MTG1: variants seen among roughly 807,000 people sequenced by gnomAD.
MTG1 encodes the protein mitochondrial ribosome-associated GTPase 1.
Under a neutral mutation model 39.5 loss-of-function variants are expected in MTG1, and 30 were observed. The ratio of observed to expected loss-of-function variants is 0.76; its 90% CI spans 0.57 to 1.03. MTG1 has a LOEUF of 1.03. Among genes scored for constraint, MTG1 ranks in the 50% least tolerant of loss-of-function variants. The pLI is 0.00. For synonymous variants in MTG1, 217 were observed against 179.0 expected (o/e 1.21, Z -1.69); for missense variants, 513 against 447.4 (o/e 1.15, Z -1.32).
rs753853296 is a variant in MTG1 at position 133,395,820 on chromosome 10, A to G, written c.177+43A>G. On this transcript the variant is annotated intron_variant, in intron 2 of 10. Transcript: ENST00000317502. ...AGGGGAGGCCCCTCTGCCTGAAGTC[A>G]TATTACACATTAGAATTACCTGGGG... 9 of 1,590,694 alleles carry G rather than the reference A, an allele frequency of 5.7e-6. No individual in the cohort carries two copies. The East Asian group carries it at 1.6e-4, about 28-fold the overall frequency.
Position 133,419,525 on chromosome 10 carries a change from G to A in MTG1, c.798G>A (p.Glu266=), listed in dbSNP as rs1850193701. The change falls in exon 10 of 11, where the codon GAG becomes GAA. Residue 266 remains glutamate, a synonymous_variant. Transcript: ENST00000317502. ...YGLGSACDNV[E]RVLKSVAVKL... ...TGGGCAGTGCCTGTGACAACGTAGA[G>A]CGCGTGCTGAAGAGTGTGGCTGTGA... The A allele has an allele frequency of 6.2e-7, 1 of 1,609,958 alleles. No homozygotes were observed. The highest frequency in any genetic ancestry group is 1.3e-5 in the African/African-American group (1 of 74,888).
chr10:133,407,100 A>G (rs2133503650), intron 9 of MTG1, among the ~76,000 whole-genome samples: 1 of 152,252 alleles, frequency 6.6e-6, no homozygotes, highest in Admixed American at 6.5e-5. Context: ...GTCGAAAATG[A>G]GTTGGCTGTA....
Position 133,399,509 on chromosome 10 carries a change from C to T in MTG1, c.421-20C>T, listed in dbSNP as rs781129254. ...TAGCGGCCACGGTGGGCCCTGTGACCCCTCTCTCTGCCTGCGCAGAACCTG... is the reference window on the plus strand; with the variant it reads ...TAGCGGCCACGGTGGGCCCTGTGACTCCTCTCTCTGCCTGCGCAGAACCTG... On this transcript the variant is annotated intron_variant, in intron 5 of 10. Transcript: ENST00000317502. 1 of 1,612,132 alleles carries T rather than the reference C, an allele frequency of 6.2e-7. No homozygotes were observed. The highest frequency in any genetic ancestry group is 1.1e-5 in the South Asian group (1 of 90,920).
Position 133,402,690 on chromosome 10 carries a change from AG to A in MTG1, c.671del. The A allele has an allele frequency of 1.9e-6, 3 of 1,602,760 alleles. No homozygotes were observed. The highest frequency in any genetic ancestry group is 1.1e-5 in the South Asian group (1 of 88,576). On this transcript the variant is annotated splice_acceptor_variant, in intron 8 of 10. Transcript: ENST00000317502. LOFTEE classifies it high-confidence loss of function. The surrounding 1 kb of genome is among the most constrained non-coding windows in gnomAD (Gnocchi z 4.7). ...TGCTCACCTCGGCTGCTGCTTCCAC[AG>A]GAACGGTGCTGGACCACCTGGTCGG...
At position 133,408,646 on chromosome 10, in the gene MTG1, T is replaced by A. The variant is rs188881063; in HGVS notation, c.752+5873T>A. On this transcript the variant is annotated intron_variant, in intron 9 of 10. Transcript: ENST00000317502. The stretch of plus-strand genomic sequence containing the variant: ...TTGATACTAGTTCTTCCTTAACTGT[T>A]GATAGTTCAGCAGTGAAGCCATCAG... Among the ~76,000 whole-genome samples the A allele has an allele frequency of 3.1e-3, 477 of 152,360 alleles. 1 individual carries two copies. Among genetic ancestry groups the A allele is most frequent in the Non-Finnish European group, 5.6e-3 (378 of 68,024 alleles).
In MTG1 at chr10:133,402,972, A is replaced by C; in HGVS notation, c.752+199A>C. The C allele has an allele frequency of 1.9e-6, 1 of 531,552 alleles. No individual in the cohort carries two copies. 32.9% of individuals were successfully genotyped at this position (531,552 alleles called of 1,614,324 possible). A position where few individuals can be genotyped will look rare whatever the true frequency, so the allele number is the denominator to read the frequency against. ...AAAGCAACACACAATCAAGAAAACG[A>C]GCGTTCCCGTCACCCCCAGTCCCTG... On this transcript the variant is annotated intron_variant, in intron 9 of 10. Transcript: ENST00000317502. The surrounding 1 kb of genome is among the most constrained non-coding windows in gnomAD (Gnocchi z 4.7).
intron 4 of MTG1, 117 bp from the exon 5 acceptor site, chr10:133,399,053 G>C: frequency 2.7e-6 from 3 of 1,131,372 alleles, no homozygotes; most frequent in Non-Finnish European, 4.0e-6. Flanking sequence ...TTTTCCTAAC[G>C]GATATGTGAA....
At chr10:133,414,088 G>T (rs567822469) in intron 9 of MTG1, among the ~76,000 whole-genome samples, 13 of 149,362 alleles carry the variant, frequency 8.7e-5, no homozygotes, top group Non-Finnish European at 1.2e-4. Context: ...GTGTCCCTGG[G>T]TACTTGAGAT....
intron 9 of MTG1, among the ~76,000 whole-genome samples, chr10:133,418,067 A>G (rs1186345068): frequency 6.6e-6 from 1 of 152,164 alleles, no homozygotes; most frequent in African/African-American, 2.4e-5. Flanking sequence ...GCAGTGGCAC[A>G]ATCTCAGCCC....
intron 9 of MTG1, among the ~76,000 whole-genome samples, chr10:133,408,451 G>T (rs949430524): frequency 4.6e-5 from 7 of 152,124 alleles, no homozygotes; most frequent in Non-Finnish European, 1.0e-4. Context: ...GTTGAATTTG[G>T]GTTGCTGGTC....
At chr10:133,412,381 GATCTTGT>G (rs767848561) in intron 9 of MTG1, among the ~76,000 whole-genome samples, 6 of 152,000 alleles carry the variant, frequency 3.9e-5, no homozygotes, top group Non-Finnish European at 8.8e-5. Context: ...TTTGTATATT[GATCTTGT>G]ATCTTGTAAC....
chr10:133,399,366 A>G, intron 5 of MTG1, 140 bp downstream of exon 5: 1 of 1,233,926 alleles, frequency 8.1e-7, no homozygotes, highest in Non-Finnish European at 1.2e-6. Context: ...TCTTCAGTGG[A>G]AAGGGCCGAG....
chr10:133,401,710 C>G, intron 7 of MTG1, 120 bp downstream of exon 7: 1 of 925,548 alleles, frequency 1.1e-6, no homozygotes, highest in Non-Finnish European at 1.7e-6. Context: ...CACTCAGTGT[C>G]CCCGCTGAGC....
intron 9 of MTG1, among the ~76,000 whole-genome samples, chr10:133,419,170 T>C (rs2133519315): frequency 6.6e-6 from 1 of 152,314 alleles, no homozygotes; most frequent in South Asian, 2.1e-4. Flanking sequence ...GGATGAAGCC[T>C]GTGTGTGTGA....
chr10:133,411,811 C>A (rs1850051499), intron 9 of MTG1, among the ~76,000 whole-genome samples: 1 of 150,678 alleles, frequency 6.6e-6, no homozygotes, highest in Non-Finnish European at 1.5e-5. Flanking sequence ...TAATTTCAAT[C>A]TCTGTTAAAT....
chr10:133,397,064 C>T (rs1430134546), intron 3 of MTG1, among the ~76,000 whole-genome samples: 3 of 152,216 alleles, frequency 2.0e-5, no homozygotes, highest in African/African-American at 4.8e-5. Flanking sequence ...CGCAGTTATC[C>T]GGAGGCTTAA....
chr10:133,415,437 A>C (rs2133513961), intron 9 of MTG1, among the ~76,000 whole-genome samples: 1 of 152,180 alleles, frequency 6.6e-6, no homozygotes, highest in African/African-American at 2.4e-5. Flanking sequence ...CTACGTGTAG[A>C]ATTCCAGATT....
intron 9 of MTG1, among the ~76,000 whole-genome samples, chr10:133,415,272 T>C (rs1012323749): frequency 2.6e-4 from 39 of 152,244 alleles, no homozygotes; most frequent in Non-Finnish European, 4.6e-4. Context: ...CATTTCTTTG[T>C]GTAGGTCCAG....
At position 133,420,496 on chromosome 10, in the gene MTG1, A is replaced by G. The variant is rs1850214092; in HGVS notation, c.*331A>G. The G allele has an allele frequency of 7.3e-6, 2 of 274,086 alleles. No individual in the cohort carries two copies. The highest frequency in any genetic ancestry group is 1.4e-5 in the Non-Finnish European group (2 of 147,670). 17.0% of individuals were successfully genotyped at this position (274,086 alleles called of 1,614,324 possible). A position where few individuals can be genotyped will look rare whatever the true frequency, so the allele number is the denominator to read the frequency against. Reference sequence around the variant, plus strand: ...CCTGTAACCTTTAAAATCTCCAGTTAAAGGGCCTGTTTCTTACTGGCCTGT... The same window carrying G: ...CCTGTAACCTTTAAAATCTCCAGTTGAAGGGCCTGTTTCTTACTGGCCTGT... On this transcript the variant is annotated 3_prime_UTR_variant, in exon 11 of 11. Transcript: ENST00000317502.
Sources: gnomAD v4.1 joint callset for allele counts (sites outside exome capture counted in the v4.1 genomes callset) on GRCh38, gnomAD v4.1.1 for gene constraint, Gnocchi (gnomAD v3.1) non-coding constraint, MANE v1.5 for transcripts, NCBI Gene and HGNC (gene_info 2026-07-23, HGNC 2026-07-21) for gene names.